ZBTB8OS: variants seen among roughly 807,000 people sequenced by gnomAD.
ZBTB8OS encodes the protein tRNA-splicing ligase-activating factor archease.
A neutral mutation model predicts 29.3 loss-of-function variants in ZBTB8OS; 16 were observed. The ratio of observed to expected loss-of-function variants is 0.55; its 90% CI spans 0.37 to 0.83. The LOEUF (loss-of-function observed/expected upper bound fraction) is 0.83, where lower values mean the gene tolerates loss of function less well. Ranked by LOEUF, ZBTB8OS falls within the 40% of genes least tolerant of loss-of-function variation. The pLI is 0.00. For synonymous variants in ZBTB8OS, 70 were observed against 64.6 expected, an observed-to-expected ratio of 1.08 and a Z score of -0.40; for missense variants, 160 against 196.9, an observed-to-expected ratio of 0.81 and a Z score of 1.12.
chr1:32,631,934 TA>T lies in ZBTB8OS; in HGVS notation c.328-56del, dbSNP rs1215639752. On this transcript the variant is annotated intron_variant, in intron 4 of 6. Coordinates refer to ENST00000468695, the MANE Select transcript of ZBTB8OS (RefSeq NM_178547.5). ...AAAAAGTTCATAATAGACTATCTAC[TA>T]AAAATCTTTTTGTTCTGTTTTGTTT... The T allele has an allele frequency of 1.2e-5, 10 of 800,420 alleles. No individual in the cohort carries two copies. In the East Asian group the frequency reaches 5.7e-4, roughly 46 times the overall value. The allele number at this position is 800,420 out of a possible 1,614,324, so 49.6% of individuals were successfully genotyped here. A position where few individuals can be genotyped will look rare whatever the true frequency, so the allele number is the denominator to read the frequency against.
chr1:32,633,815 C>T, intron 3 of ZBTB8OS, 88 bp from the exon 4 acceptor site: 3 of 1,458,446 alleles, frequency 2.1e-6, no homozygotes, highest in Non-Finnish European at 2.8e-6. Flanking sequence ...TGTCTTAGGT[C>T]AGTTTAAAGA....
At position 32,626,196 on chromosome 1, in the gene ZBTB8OS, C is replaced by A. The variant is rs143185889; in HGVS notation, c.417+1312G>T. Among the ~76,000 whole-genome samples the A allele has an allele frequency of 5.6e-3, 848 of 152,148 alleles. 6 individuals carry two copies. The highest frequency in any genetic ancestry group is 0.027 in the Middle Eastern group (8 of 294). On this transcript the variant is annotated intron_variant, in intron 6 of 6. Coordinates refer to ENST00000468695, the MANE Select transcript of ZBTB8OS (RefSeq NM_178547.5). ...CCTATAATACTGTATTTTTACTATA[C>A]CTTTTTTTGGTATTTAGAAATATAA...
chr1:32,642,943 G>C (rs1646530987), intron 1 of ZBTB8OS, among the ~76,000 whole-genome samples: 3 of 145,680 alleles, frequency 2.1e-5, no homozygotes, highest in Non-Finnish European at 3.0e-5. Context: ...GCTAATTTTT[G>C]TATTTTTAGT....
chr1:32,628,304 C>T (rs936411342), intron 5 of ZBTB8OS, among the ~76,000 whole-genome samples: 1 of 150,018 alleles, frequency 6.7e-6, no homozygotes, highest in African/African-American at 2.5e-5. Flanking sequence ...TTGCAGTGAG[C>T]CAAGATCGCG....
chr1:32,639,346 G>A (rs1450929220), intron 1 of ZBTB8OS, among the ~76,000 whole-genome samples: 1 of 151,936 alleles, frequency 6.6e-6, no homozygotes, highest in African/African-American at 2.4e-5. Flanking sequence ...ATGTTGCCCA[G>A]GCTGGAGTGC....
chr1:32,622,855 T>G (rs369710243), intron 6 of ZBTB8OS, among the ~76,000 whole-genome samples: 1 of 152,104 alleles, frequency 6.6e-6, no homozygotes, highest in East Asian at 1.9e-4. Flanking sequence ...CACCTCCTTA[T>G]ACTCTGACCT....
intron 1 of ZBTB8OS, among the ~76,000 whole-genome samples, chr1:32,639,708 A>G (rs1460772479): frequency 1.3e-5 from 2 of 152,132 alleles, no homozygotes; most frequent in African/African-American, 4.8e-5. Context: ...CAGTGAGCTA[A>G]GAGTGCAGTG....
chr1:32,634,820 A>G (rs775127176), intron 1 of ZBTB8OS, 28 bp from the exon 2 acceptor site: 1 of 1,452,580 alleles, frequency 6.9e-7, no homozygotes, highest in Non-Finnish European at 9.7e-7. Flanking sequence ...AAACACTTAT[A>G]AGACACTAAA....
intron 1 of ZBTB8OS, among the ~76,000 whole-genome samples, chr1:32,644,308 T>C (rs1646666690): frequency 6.6e-6 from 1 of 151,936 alleles, no homozygotes; most frequent in Non-Finnish European, 1.5e-5. Flanking sequence ...ACAAGTTAAG[T>C]CCTTGAGGAA....
At chr1:32,641,265 GTTTTTTTTTT>G (rs1160526101) in intron 1 of ZBTB8OS, among the ~76,000 whole-genome samples, 4 of 97,266 alleles carry the variant, frequency 4.1e-5, no homozygotes, top group East Asian at 3.3e-4. Flanking sequence ...AATTACACAA[GTTTTTTTTTT>G]TTTTTTTTTT....
intron 1 of ZBTB8OS, among the ~76,000 whole-genome samples, chr1:32,641,253 T>C: frequency 7.1e-6 from 1 of 140,936 alleles, no homozygotes; most frequent in Admixed American, 7.2e-5. Flanking sequence ...AGCTCACAAC[T>C]CAATTACACA....
intron 1 of ZBTB8OS, among the ~76,000 whole-genome samples, chr1:32,649,633 A>ACACACAC (rs1446311379): frequency 3.5e-4 from 19 of 54,118 alleles, no homozygotes; most frequent in South Asian, 8.0e-4. Context: ...CATCTCTAAA[A>ACACACAC]ACACACACAC....
At chr1:32,637,252 C>G (rs1234921017) in intron 1 of ZBTB8OS, among the ~76,000 whole-genome samples, 1 of 151,712 alleles carries the variant, frequency 6.6e-6, no homozygotes. Flanking sequence ...CTTTCACACA[C>G]GAGTGAAGAA....
intron 1 of ZBTB8OS, among the ~76,000 whole-genome samples, chr1:32,639,095 C>T (rs891557625): frequency 1.1e-4 from 16 of 151,604 alleles, no homozygotes; most frequent in African/African-American, 2.9e-4. Context: ...GTCAGGAATT[C>T]GAGACCAGCC....
At chr1:32,636,913 G>GT (rs1291485931) in intron 1 of ZBTB8OS, among the ~76,000 whole-genome samples, 1 of 152,020 alleles carries the variant, frequency 6.6e-6, no homozygotes, top group Non-Finnish European at 1.5e-5. Flanking sequence ...CTACTTAGAA[G>GT]TGTCTTTCTC....
rs1444980265 is a variant in ZBTB8OS, at chr1:32,621,193, G to A, written c.*669C>T. The A allele has an allele frequency of 6.6e-6, 1 of 152,170 alleles. No individual in the cohort carries two copies. Among genetic ancestry groups the A allele is most frequent in the Non-Finnish European group, 1.5e-5 (1 of 68,072 alleles). The allele number at this position is 152,170 out of a possible 1,614,324, so 9.4% of individuals were successfully genotyped here. A position where few individuals can be genotyped will look rare whatever the true frequency, so the allele number is the denominator to read the frequency against. On this transcript the variant is annotated 3_prime_UTR_variant, in exon 7 of 7. Transcript: ENST00000468695. ...AGGTGGGCGGATCACAAGGTCAGGA[G>A]ATCAAGACCATCCTAGCTAACACAG...
intron 1 of ZBTB8OS, among the ~76,000 whole-genome samples, chr1:32,646,624 G>A (rs985701586): frequency 6.6e-6 from 1 of 150,950 alleles, no homozygotes; most frequent in Admixed American, 6.6e-5. Context: ...TCCTGACCTC[G>A]TGATCCGCCG....
chr1:32,623,725 C>T (rs1456740883), intron 6 of ZBTB8OS, among the ~76,000 whole-genome samples: 1 of 152,198 alleles, frequency 6.6e-6, no homozygotes, highest in Non-Finnish European at 1.5e-5. Flanking sequence ...GTTCCCTGAA[C>T]TTACCTCATT....
intron 1 of ZBTB8OS, among the ~76,000 whole-genome samples, chr1:32,641,072 C>T (rs1409449816): frequency 3.3e-5 from 5 of 150,334 alleles, no homozygotes; most frequent in East Asian, 3.9e-4. Context: ...ATCGGGAGGC[C>T]GAGGCAGAAG....
Sources: gnomAD v4.1 joint callset for allele counts (sites outside exome capture counted in the v4.1 genomes callset) on GRCh38, gnomAD v4.1.1 for gene constraint, MANE v1.5 for transcripts, NCBI Gene and HGNC (gene_info 2026-07-23, HGNC 2026-07-21) for gene names.